INTS4: variants seen among roughly 807,000 people sequenced by gnomAD.
INTS4 encodes the protein MSTP093.
A neutral mutation model predicts 119.5 loss-of-function variants in INTS4; 70 were observed. That is an observed-to-expected ratio of 0.59 (90% CI 0.48 to 0.71). The LOEUF is 0.71. INTS4 is among the 30% of genes least tolerant of loss of function. The pLI is 0.00. For missense variants in INTS4, 867 were observed against 1,173.2 expected, an observed-to-expected ratio of 0.74 and a Z score of 3.81; for synonymous variants, 316 against 419.6, an observed-to-expected ratio of 0.75 and a Z score of 3.02.
At chr11:77,917,980 G>A in intron 15 of INTS4, 1 of 689,956 alleles carries the variant, frequency 1.4e-6, no homozygotes, top group East Asian at 2.7e-5. Flanking sequence ...AAATTAGAGT[G>A]TACAACTTTT....
At chr11:77,879,724 ATAAT>A (rs1195386178) in intron 22 of INTS4, among the ~76,000 whole-genome samples, 16 of 152,194 alleles carry the variant, frequency 1.1e-4, no homozygotes, top group African/African-American at 3.4e-4. Flanking sequence ...CCTAGCAAGA[ATAAT>A]TAAGAACTCC....
At chr11:77,954,053 C>A (rs1229457503) in intron 8 of INTS4, among the ~76,000 whole-genome samples, 2 of 151,106 alleles carry the variant, frequency 1.3e-5, no homozygotes, top group Non-Finnish European at 3.0e-5. Context: ...ACCTCGTGAT[C>A]CGCCCGCCTT....
chr11:77,956,545 A>G (rs191509700), intron 7 of INTS4, among the ~76,000 whole-genome samples: 57 of 152,108 alleles, frequency 3.7e-4, no homozygotes, highest in African/African-American at 1.2e-3. Context: ...CCTCTCTACT[A>G]AAAATATAAA....
chr11:77,898,375 G>A (rs1157174384), intron 18 of INTS4, among the ~76,000 whole-genome samples: 1 of 152,082 alleles, frequency 6.6e-6, no homozygotes, highest in Non-Finnish European at 1.5e-5. Flanking sequence ...TCTTGGCCAG[G>A]CTGGTCTTGA....
chr11:77,898,859 A>G (rs978233634), intron 18 of INTS4, among the ~76,000 whole-genome samples: 7 of 152,098 alleles, frequency 4.6e-5, no homozygotes, highest in Middle Eastern at 3.4e-3. Flanking sequence ...ATCTCTCCTA[A>G]AAATAAAAAA....
In INTS4 at chr11:77,924,806, C is replaced by T. The variant is rs763272714; in HGVS notation, c.1458G>A (p.Leu486=). The T allele has an allele frequency of 2.4e-5, 39 of 1,598,384 alleles. No homozygotes were observed. The South Asian group carries it at 3.7e-4, about 15-fold the overall frequency. ...VSTKEGIHLA[L]VELLKNLTKY... The stretch of plus-strand genomic sequence containing the variant: ...TGGTTAAATTTTTCAGCAGCTCCAC[C>T]AATGCAAGATGAATCCCTTCTTTGG... Residue 486 remains leucine (L), a synonymous_variant, in exon 12 of 23, where the codon TTG becomes TTA. Coordinates refer to ENST00000534064, the MANE Select transcript of INTS4 (RefSeq NM_033547.4).
Position 77,960,964 on chromosome 11 carries a change from T to C in INTS4, c.646A>G (p.Ile216Val), listed in dbSNP as rs1481824824. 9.4e-6 allele frequency: 15 copies of C among 1,599,232 alleles called. No individual in the cohort carries two copies. The highest frequency in any genetic ancestry group is 1.8e-5 in the Admixed American group (1 of 56,682). The change falls in exon 5 of 23, where the codon ATA becomes GTA. Residue 216 changes from isoleucine (I) to valine (V), a missense_variant. Coordinates refer to ENST00000534064, the MANE Select transcript of INTS4 (RefSeq NM_033547.4). ...ATAATCACATTTACCATGGCTTTTA[T>C]AGCTGCTGTTCTGACACGTGGGTCT... ...DQDPRVRTAAIKAMLQLHERG... is the reference protein window; with the variant it reads ...DQDPRVRTAAVKAMLQLHERG...
At chr11:77,937,032 G>A (rs554148333) in intron 10 of INTS4, among the ~76,000 whole-genome samples, 12 of 151,978 alleles carry the variant, frequency 7.9e-5, no homozygotes, top group African/African-American at 2.7e-4. Flanking sequence ...GAAATTAGCC[G>A]AGAGTGGTCG....
intron 1 of INTS4, among the ~76,000 whole-genome samples, chr11:77,992,817 A>G (rs942225677): frequency 2.0e-5 from 3 of 152,252 alleles, no homozygotes; most frequent in African/African-American, 4.8e-5. Flanking sequence ...GTTATTAAAC[A>G]TAACTTTATT....
chr11:77,920,206 C>CACACATATATACACATATATAT (rs1555026388), intron 14 of INTS4, among the ~76,000 whole-genome samples: 186 of 88,968 alleles, frequency 2.1e-3, no homozygotes, highest in African/African-American at 7.2e-3. Flanking sequence ...CATATATATA[C>CACACATATATACACATATATAT]ACACATATAT....
At chr11:77,907,849 G>T in intron 15 of INTS4, 39 bp from the exon 16 acceptor site, 1 of 1,255,358 alleles carries the variant, frequency 8.0e-7, no homozygotes, top group Non-Finnish European at 1.2e-6. Context: ...CACAGGATAA[G>T]GATAATGCCA....
chr11:77,957,684 T>TTGG (rs1954365243), intron 7 of INTS4, among the ~76,000 whole-genome samples: 1 of 146,672 alleles, frequency 6.8e-6, no homozygotes, highest in Non-Finnish European at 1.5e-5. Flanking sequence ...TTTTTTTTTT[T>TTGG]GAGAGAAAGT....
At chr11:77,954,544 C>T (rs1307478411) in intron 8 of INTS4, among the ~76,000 whole-genome samples, 2 of 152,078 alleles carry the variant, frequency 1.3e-5, no homozygotes, top group South Asian at 2.1e-4. Context: ...ATAGTGGTCC[C>T]CCACCTTTTT....
At chr11:77,983,805 T>C (rs983448475) in intron 2 of INTS4, among the ~76,000 whole-genome samples, 1 of 152,188 alleles carries the variant, frequency 6.6e-6, no homozygotes, top group Non-Finnish European at 1.5e-5. Flanking sequence ...TAAGATCAAG[T>C]GTAGGAAAAC....
chr11:77,948,526 T>A (rs1954102745), intron 8 of INTS4, among the ~76,000 whole-genome samples: 1 of 151,676 alleles, frequency 6.6e-6, no homozygotes, highest in Non-Finnish European at 1.5e-5. Context: ...CACATGCCTG[T>A]AATCCCGGTA....
In INTS4 at chr11:77,891,344, T is replaced by C; in HGVS notation, c.2567A>G (p.Asp856Gly). ...DVDATLEHVQDPQNTVKVQVL... is the reference protein window; with the variant it reads ...DVDATLEHVQGPQNTVKVQVL... ...CTGGACCTTAACAGTGTTCTGAGGA[T>C]CCTGCACATGCTCCAGGGTTGCATC... The change falls in exon 21 of 23, where the codon GAT becomes GGT. Residue 856 changes from aspartate to glycine, a missense_variant. By Grantham distance (94) the Asp-to-Gly change is moderately conservative. Coordinates refer to ENST00000534064, the MANE Select transcript of INTS4 (RefSeq NM_033547.4). The C allele has an allele frequency of 6.2e-7, 1 of 1,610,634 alleles. No individual in the cohort carries two copies. The highest frequency in any genetic ancestry group is 2.2e-5 in the East Asian group (1 of 44,806).
chr11:77,938,299 C>T (rs1415732907), intron 10 of INTS4, among the ~76,000 whole-genome samples: 2 of 152,092 alleles, frequency 1.3e-5, no homozygotes, highest in African/African-American at 4.8e-5. Context: ...ATTTTAATTA[C>T]CAATTATTAA....
At chr11:77,926,137 G>A (rs987694565) in intron 11 of INTS4, among the ~76,000 whole-genome samples, 3 of 152,064 alleles carry the variant, frequency 2.0e-5, no homozygotes, top group South Asian at 2.1e-4. Flanking sequence ...GACAGTGCTT[G>A]TTGAATAAAG....
intron 18 of INTS4, chr11:77,900,826 A>G: frequency 1.7e-6 from 1 of 575,734 alleles, no homozygotes; most frequent in Non-Finnish European, 3.1e-6. Flanking sequence ...AATTACACTG[A>G]GCTCTTATTA....
Sources: allele counts gnomAD v4.1 joint callset (sites outside exome capture counted in the v4.1 genomes callset), GRCh38; gene constraint gnomAD v4.1.1; transcripts MANE v1.5; gene names NCBI Gene and HGNC (gene_info 2026-07-23, HGNC 2026-07-21).